TINAG: variants seen among roughly 807,000 people sequenced by gnomAD.
The protein encoded by TINAG is tubulointerstitial nephritis antigen.
Under a neutral mutation model 72.7 loss-of-function variants are expected in TINAG, and 83 were observed. The ratio of observed to expected loss-of-function variants is 1.14; its 90% CI spans 0.96 to 1.37. The LOEUF (loss-of-function observed/expected upper bound fraction) is 1.37. TINAG is among the 40% of genes most tolerant of loss of function. The pLI, the probability that TINAG is intolerant of heterozygous loss-of-function variation, is 0.00. For synonymous variants in TINAG, 234 were observed against 189.9 expected, an observed-to-expected ratio of 1.23 and a Z score of -1.91; for missense variants, 685 against 576.6, an observed-to-expected ratio of 1.19 and a Z score of -1.93.
intron 1 of TINAG, 134 bp from the exon 2 acceptor site, chr6:54,320,445 T>C: frequency 1.6e-6 from 1 of 618,206 alleles, no homozygotes; most frequent in South Asian, 2.9e-5. Context: ...CTGACATGGA[T>C]TTCTATCAGC....
At chr6:54,327,142 A>G (rs1420187549) in intron 4 of TINAG, 1 of 1,548,434 alleles carries the variant, frequency 6.5e-7, no homozygotes, top group African/African-American at 1.4e-5. Context: ...CTCCTTTAGG[A>G]ATGATTGAAT....
At chr6:54,310,450 T>C (rs2150926113) in intron 1 of TINAG, among the ~76,000 whole-genome samples, 1 of 151,290 alleles carries the variant, frequency 6.6e-6, no homozygotes, top group South Asian at 2.1e-4. Context: ...TCTCTCTTTC[T>C]GTCTCTCTCT....
intron 6 of TINAG, among the ~76,000 whole-genome samples, 200 bp from the exon 7 acceptor site, chr6:54,349,516 A>G (rs1223771577): frequency 6.6e-6 from 1 of 152,090 alleles, no homozygotes; most frequent in African/African-American, 2.4e-5. Flanking sequence ...TTTTAAAATT[A>G]TAATGAAAAA....
chr6:54,379,610 C>A (rs1357488546), intron 9 of TINAG, among the ~76,000 whole-genome samples: 4 of 151,862 alleles, frequency 2.6e-5, no homozygotes, highest in African/African-American at 9.7e-5. Flanking sequence ...TGGTTTATAA[C>A]AGTAGTTCTG....
chr6:54,348,139 T>C (rs1417741749), intron 6 of TINAG, among the ~76,000 whole-genome samples: 2 of 152,088 alleles, frequency 1.3e-5, no homozygotes, highest in African/African-American at 2.4e-5. Flanking sequence ...GTTATATATA[T>C]GTACTGCTCA....
chr6:54,348,929 ACTT>A (rs1390730425), intron 6 of TINAG, among the ~76,000 whole-genome samples: 3 of 152,100 alleles, frequency 2.0e-5, no homozygotes, highest in Admixed American at 2.0e-4. Flanking sequence ...CCTTGTGGAT[ACTT>A]CTATGGCCAT....
intron 10 of TINAG, among the ~76,000 whole-genome samples, chr6:54,385,307 A>C (rs1367534373): frequency 1.3e-5 from 2 of 152,136 alleles, no homozygotes; most frequent in African/African-American, 4.8e-5. Context: ...AAATGAAAAA[A>C]GAGAACATTG....
chr6:54,389,470 G>C (rs1385944722), intron 10 of TINAG, among the ~76,000 whole-genome samples: 2 of 152,162 alleles, frequency 1.3e-5, no homozygotes, highest in African/African-American at 4.8e-5. Context: ...AGCACAGGCT[G>C]TTGTTCACAT....
At chr6:54,355,238 A>G (rs532718963) in intron 9 of TINAG, among the ~76,000 whole-genome samples, 4 of 152,002 alleles carry the variant, frequency 2.6e-5, no homozygotes, top group African/African-American at 9.6e-5. Flanking sequence ...CGCCTTCTCA[A>G]TTTTATTCTG....
intron 9 of TINAG, among the ~76,000 whole-genome samples, chr6:54,376,055 G>C (rs537353117): frequency 6.6e-6 from 1 of 152,074 alleles, no homozygotes; most frequent in African/African-American, 2.4e-5. Context: ...GCAGAGATGA[G>C]GTTTTCATGG....
At chr6:54,309,091 A>G (rs9464052) in intron 1 of TINAG, among the ~76,000 whole-genome samples, 186 bp downstream of exon 1, 6,379 of 152,210 alleles carry the variant, frequency 0.042, 349 homozygotes, top group East Asian at 0.31. Flanking sequence ...TTCCTGTGTA[A>G]TACAAGCACC....
At chr6:54,372,680 G>A (rs961597341) in intron 9 of TINAG, among the ~76,000 whole-genome samples, 1 of 149,582 alleles carries the variant, frequency 6.7e-6, no homozygotes, top group African/African-American at 2.4e-5. Context: ...GCAGAATCTA[G>A]GGTTAGGATT....
intron 4 of TINAG, among the ~76,000 whole-genome samples, chr6:54,336,073 G>T (rs1784858959): frequency 1.3e-5 from 2 of 151,928 alleles, no homozygotes; most frequent in African/African-American, 4.8e-5. Flanking sequence ...CATTCCTTTA[G>T]CTTAAGTCAT....
chr6:54,349,755 A>G lies in TINAG; in HGVS notation c.939A>G (p.Gln313=), dbSNP rs1380529957. ...SHACYPLFKD[Q]NATNNGCAMA... ...CATGCTACCCACTTTTCAAAGACCA[A>G]AATGCTACCAACAATGGATGTGCCA... Residue 313 remains glutamine, a synonymous_variant, in exon 7 of 11, where the codon CAA becomes CAG. Coordinates refer to ENST00000259782, the MANE Select transcript of TINAG (RefSeq NM_014464.4). The G allele has an allele frequency of 6.2e-7, 1 of 1,603,204 alleles. No individual in the cohort carries two copies. The highest frequency in any genetic ancestry group is 1.7e-5 in the Admixed American group (1 of 59,090).
intron 10 of TINAG, among the ~76,000 whole-genome samples, chr6:54,381,122 C>T (rs9382330): frequency 0.28 from 40,694 of 147,528 alleles, 6,351 homozygotes; most frequent in African/African-American, 0.41. Context: ...ATGTAACCTA[C>T]AGGATATATA....
chr6:54,370,740 G>A (rs1286666597), intron 9 of TINAG, among the ~76,000 whole-genome samples: 1 of 152,034 alleles, frequency 6.6e-6, no homozygotes, highest in African/African-American at 2.4e-5. Flanking sequence ...GGTGCAGAGG[G>A]CCCTGGGGAT....
chr6:54,314,971 A>AT (rs1299448896), intron 1 of TINAG, among the ~76,000 whole-genome samples: 1 of 152,042 alleles, frequency 6.6e-6, no homozygotes, highest in East Asian at 1.9e-4. Context: ...CCATACAGAT[A>AT]ATTTTTTTTC....
intron 9 of TINAG, among the ~76,000 whole-genome samples, chr6:54,369,046 T>A (rs1763524242): frequency 1.3e-5 from 2 of 151,986 alleles, no homozygotes; most frequent in African/African-American, 2.4e-5. Flanking sequence ...TATTTGACAG[T>A]TTTGAATCGA....
intron 9 of TINAG, among the ~76,000 whole-genome samples, chr6:54,360,841 G>GGTTTTTTTTTT (rs1763205258): frequency 3.8e-5 from 1 of 26,242 alleles, no homozygotes. Flanking sequence ...CAGATACTGT[G>GGTTTTTTTTTT]TTTTTTTTTT....
Sources: allele counts gnomAD v4.1 joint callset (sites outside exome capture counted in the v4.1 genomes callset), GRCh38; gene constraint gnomAD v4.1.1; transcripts MANE v1.5; gene names NCBI Gene and HGNC (gene_info 2026-07-23, HGNC 2026-07-21).